NTRK3: variants seen among roughly 807,000 people sequenced by gnomAD.
NTRK3 encodes neurotrophic receptor tyrosine kinase 3, also known as NT-3 growth factor receptor.
Under a neutral mutation model 91.7 loss-of-function variants are expected in NTRK3, and 24 were observed. That is an observed-to-expected ratio of 0.26 (90% CI 0.19 to 0.37). The LOEUF (loss-of-function observed/expected upper bound fraction) is 0.37, where lower values mean the gene tolerates loss of function less well. Ranked by LOEUF, NTRK3 falls within the 10% of genes least tolerant of loss-of-function variation. NTRK3 has a pLI of 1.00. For missense variants in NTRK3, 880 were observed against 1,068.9 expected, an observed-to-expected ratio of 0.82 and a Z score of 2.46; for synonymous variants, 483 against 404.0, an observed-to-expected ratio of 1.20 and a Z score of -2.34.
intron 17 of NTRK3, chr15:87,927,191 CT>C (rs1220654587): frequency 6.6e-6 from 1 of 152,240 alleles, no homozygotes; most frequent in African/African-American, 2.4e-5. Flanking sequence ...ACCCAGCTTG[CT>C]GTGGACACTG....
chr15:88,223,682 T>C (rs186869839), intron 3 of NTRK3, among the ~76,000 whole-genome samples: 1 of 152,296 alleles, frequency 6.6e-6, no homozygotes, highest in East Asian at 1.9e-4. Flanking sequence ...TTTCCTTATA[T>C]ATGTAATGGG....
intron 13 of NTRK3, among the ~76,000 whole-genome samples, chr15:88,104,516 A>G (rs984355825): frequency 2.6e-5 from 4 of 152,198 alleles, no homozygotes; most frequent in Non-Finnish European, 4.4e-5. Context: ...TGTCATCAGC[A>G]CAATGTTTTG....
intron 3 of NTRK3, among the ~76,000 whole-genome samples, chr15:88,218,951 C>T (rs2050019413): frequency 6.6e-6 from 1 of 152,248 alleles, no homozygotes; most frequent in Non-Finnish European, 1.5e-5. Flanking sequence ...ACCGTCTGTA[C>T]TGGAGGGGGC....
intron 3 of NTRK3, among the ~76,000 whole-genome samples, chr15:88,186,827 G>T (rs2046983147): frequency 6.6e-6 from 1 of 152,108 alleles, no homozygotes; most frequent in African/African-American, 2.4e-5. Flanking sequence ...GCCCTTTACA[G>T]AAAACAGTTG....
intron 3 of NTRK3, among the ~76,000 whole-genome samples, chr15:88,254,993 G>T (rs561732432): frequency 8.8e-4 from 134 of 152,248 alleles, no homozygotes; most frequent in Non-Finnish European, 1.4e-3. Flanking sequence ...CCCCACCAAA[G>T]AAAAATAGCA....
At chr15:88,059,249 A>T (rs2045991817) in intron 13 of NTRK3, among the ~76,000 whole-genome samples, 1 of 152,218 alleles carries the variant, frequency 6.6e-6, no homozygotes, top group South Asian at 2.1e-4. Context: ...TATCCATTTA[A>T]ATGGATTCTG....
At chr15:87,980,827 T>C (rs899057468) in intron 14 of NTRK3, among the ~76,000 whole-genome samples, 15 of 152,100 alleles carry the variant, frequency 9.9e-5, no homozygotes, top group Non-Finnish European at 1.9e-4. Context: ...TATGACATCA[T>C]GTTTGGAGGG....
At chr15:87,904,458 A>C (rs1457696648) in intron 17 of NTRK3, among the ~76,000 whole-genome samples, 1 of 152,148 alleles carries the variant, frequency 6.6e-6, no homozygotes, top group East Asian at 1.9e-4. Flanking sequence ...GCCCAGCCAC[A>C]ATAAGCCTTT....
Position 88,081,141 on chromosome 15 carries a change from T to C in NTRK3, c.1396+45130A>G, listed in dbSNP as rs142898703. On this transcript the variant is annotated intron_variant, in intron 13 of 18. Coordinates refer to ENST00000394480, the Ensembl canonical transcript of NTRK3. ...AAAGAAAACTGTTTCCCAAAGCTTG[T>C]TGAAATCTCCCTCCTGCGTGAGTGT... 5.4e-3 allele frequency among the ~76,000 whole-genome samples: 827 copies of C among 152,292 alleles called. 10 individuals are homozygous for C. Among genetic ancestry groups the C allele is most frequent in the Middle Eastern group, 0.041 (12 of 294 alleles).
At chr15:87,877,232 G>T in intron 18 of NTRK3, 112 bp from the exon 20 acceptor site, 2 of 1,126,466 alleles carry the variant, frequency 1.8e-6, no homozygotes, top group Non-Finnish European at 2.6e-6. Context: ...GCAGAGCCGA[G>T]GCTCTCACAA....
At chr15:88,180,537 C>T (rs562979447) in intron 5 of NTRK3, among the ~76,000 whole-genome samples, 4 of 152,248 alleles carry the variant, frequency 2.6e-5, no homozygotes, top group Non-Finnish European at 4.4e-5. Context: ...CACTGATTAA[C>T]GCAACAGTAG....
intron 13 of NTRK3, among the ~76,000 whole-genome samples, chr15:88,096,650 G>A (rs566220624): frequency 6.6e-6 from 1 of 152,144 alleles, no homozygotes; most frequent in African/African-American, 2.4e-5. Context: ...TAATACCACT[G>A]GAACAACCCA....
chr15:87,971,348 C>T (rs1000383731), intron 14 of NTRK3, among the ~76,000 whole-genome samples: 3 of 152,180 alleles, frequency 2.0e-5, no homozygotes, highest in African/African-American at 7.2e-5. Flanking sequence ...CCCTCCTGGC[C>T]AGGGTGAGCT....
At chr15:88,047,375 C>T (rs570593547) in intron 13 of NTRK3, among the ~76,000 whole-genome samples, 22 of 152,018 alleles carry the variant, frequency 1.4e-4, no homozygotes, top group African/African-American at 3.6e-4. Flanking sequence ...CAAAAAGGTG[C>T]GGTGAGGTAG....
intron 17 of NTRK3, among the ~76,000 whole-genome samples, chr15:87,926,486 A>G (rs1367771739): frequency 6.6e-6 from 1 of 152,214 alleles, no homozygotes; most frequent in Non-Finnish European, 1.5e-5. Flanking sequence ...GAACTCATGA[A>G]GAAGGAATTG....
chr15:88,051,786 T>C (rs1428502573), intron 13 of NTRK3, among the ~76,000 whole-genome samples: 1 of 152,250 alleles, frequency 6.6e-6, no homozygotes, highest in Admixed American at 6.5e-5. Context: ...TTAATACTTT[T>C]AACCCCCATG....
intron 13 of NTRK3, among the ~76,000 whole-genome samples, chr15:88,046,155 T>C (rs2080170307): frequency 6.6e-6 from 1 of 152,178 alleles, no homozygotes; most frequent in Non-Finnish European, 1.5e-5. Context: ...TCTCAGGCTC[T>C]GGGTGAACTG....
chr15:88,220,806 A>G (rs956577253), intron 3 of NTRK3, among the ~76,000 whole-genome samples: 11 of 152,316 alleles, frequency 7.2e-5, no homozygotes, highest in Admixed American at 3.9e-4. Flanking sequence ...CCCACCCCAC[A>G]GTCAAGCCAC....
Position 88,181,129 on chromosome 15 carries a change from A to G in NTRK3, c.395+2289T>C, listed in dbSNP as rs539666465. Among the ~76,000 whole-genome samples the G allele has an allele frequency of 7.3e-4, 111 of 151,670 alleles. 3 individuals carry two copies. The South Asian group carries it at 0.022, about 30-fold the overall frequency. On this transcript the variant is annotated intron_variant, in intron 5 of 18. Coordinates refer to ENST00000394480, the Ensembl canonical transcript of NTRK3. ...ATTGGGGGTAAACTAATGGTCATCC[A>G]TCCTTCTCGGTAATCACCCTGTAGC...
Sources: allele counts gnomAD v4.1 joint callset (sites outside exome capture counted in the v4.1 genomes callset), GRCh38; gene constraint gnomAD v4.1.1; transcripts MANE v1.5; gene names NCBI Gene and HGNC (gene_info 2026-07-23, HGNC 2026-07-21).